MED12L: variants seen among roughly 807,000 people sequenced by gnomAD.
MED12L encodes the protein mediator of RNA polymerase II transcription subunit 12-like protein.
MED12L carries 60 observed loss-of-function variants against 281.3 expected under a neutral mutation model. The observed-to-expected ratio is 0.21, with a 90% CI of 0.17 to 0.26. The LOEUF (loss-of-function observed/expected upper bound fraction) is 0.26, where lower values mean the gene tolerates loss of function less well. Among genes scored for constraint, MED12L ranks in the 10% least tolerant of loss-of-function variants. The pLI is 1.00. For synonymous variants in MED12L, 974 were observed against 987.2 expected (o/e 0.99, Z 0.25); for missense variants, 2,146 against 2,680.9 (o/e 0.80, Z 4.41).
intron 16 of MED12L, among the ~76,000 whole-genome samples, chr3:151,306,065 C>T (rs1746597623): frequency 6.6e-6 from 1 of 152,162 alleles, no homozygotes; most frequent in African/African-American, 2.4e-5. Flanking sequence ...CCGGGTCCTA[C>T]AGTCAGTTGA....
chr3:151,315,537 GTATA>G (rs979729107), intron 16 of MED12L, among the ~76,000 whole-genome samples: 1 of 152,148 alleles, frequency 6.6e-6, no homozygotes, highest in African/African-American at 2.4e-5. Context: ...CTTAACCCAT[GTATA>G]CCTGCAACAC....
In MED12L at chr3:151,338,174, C is replaced by T. The variant is rs533622869; in HGVS notation, c.2251-11885C>T. 101 of 1,613,918 alleles carry T rather than the reference C, an allele frequency of 6.3e-5. No homozygotes were observed. Among genetic ancestry groups the T allele is most frequent in the Non-Finnish European group, 8.1e-5 (95 of 1,180,004 alleles). On this transcript the variant is annotated intron_variant, in intron 16 of 44. Coordinates refer to ENST00000687756, the MANE Select transcript of MED12L (RefSeq NM_001393769.1). ...TTTTCCTGGGGACTTTACCTACACC[C>T]CTCGTTCTTACGTATGACCGGTACA...
intron 16 of MED12L, among the ~76,000 whole-genome samples, chr3:151,267,594 A>C (rs1559960632): frequency 6.6e-6 from 1 of 152,182 alleles, no homozygotes; most frequent in Non-Finnish European, 1.5e-5. Flanking sequence ...ACATTTTTTT[A>C]AAGCCACCTA....
chr3:151,245,133 T>G (rs539102707), intron 16 of MED12L, among the ~76,000 whole-genome samples: 1 of 152,176 alleles, frequency 6.6e-6, no homozygotes, highest in Admixed American at 6.5e-5. Flanking sequence ...ACCAATAGCT[T>G]AGCAACCAAA....
At chr3:151,141,187 G>GTTTTTTTTTTTTTTTTTTT (rs76965310) in intron 5 of MED12L, among the ~76,000 whole-genome samples, 6 of 99,108 alleles carry the variant, frequency 6.1e-5, no homozygotes, top group Admixed American at 1.1e-4. Flanking sequence ...TGTTTTTTTT[G>GTTTTTTTTTTTTTTTTTTT]TTTTTTTTTT....
intron 11 of MED12L, among the ~76,000 whole-genome samples, chr3:151,183,029 C>T (rs933171766): frequency 2.6e-5 from 4 of 152,162 alleles, no homozygotes; most frequent in Non-Finnish European, 5.9e-5. Flanking sequence ...ATGATTTCCA[C>T]TATGTTTAGA....
chr3:151,174,590 A>G (rs1576890136), intron 11 of MED12L, among the ~76,000 whole-genome samples: 1 of 152,240 alleles, frequency 6.6e-6, no homozygotes, highest in Admixed American at 6.5e-5. Context: ...CACAAGACCT[A>G]AAGACTATCA....
chr3:151,274,816 C>T (rs2149578906), intron 16 of MED12L, among the ~76,000 whole-genome samples: 1 of 152,270 alleles, frequency 6.6e-6, no homozygotes, highest in Non-Finnish European at 1.5e-5. Flanking sequence ...AGAATGTAAG[C>T]CACCAGAGGC....
intron 3 of MED12L, among the ~76,000 whole-genome samples, chr3:151,118,851 C>T (rs949012067): frequency 2.0e-5 from 3 of 151,988 alleles, no homozygotes; most frequent in African/African-American, 7.2e-5. Context: ...CCACACCTGG[C>T]TAATTTTTGT....
chr3:151,109,707 A>G (rs1257785096), intron 2 of MED12L, among the ~76,000 whole-genome samples: 2 of 152,322 alleles, frequency 1.3e-5, no homozygotes, highest in African/African-American at 4.8e-5. Flanking sequence ...ATTTTGCCCT[A>G]GATGCTGTTA....
At chr3:151,158,837 G>C in intron 7 of MED12L, 38 bp downstream of exon 7, 1 of 1,307,434 alleles carries the variant, frequency 7.6e-7, no homozygotes. Context: ...TGGTTTTATG[G>C]GCAAGAAATG....
chr3:151,164,572 C>T lies in MED12L; in HGVS notation c.1257+530C>T, dbSNP rs1034253893. Among the ~76,000 whole-genome samples, 5 of 152,196 alleles carry T rather than the reference C, an allele frequency of 3.3e-5. No individual in the cohort carries two copies. The East Asian group carries it at 9.7e-4, about 29-fold the overall frequency. ...CACGTATGTTTATTGCAGCACTATT[C>T]GCAATAGCAAAGACTTGGAACCAAC... On this transcript the variant is annotated intron_variant, in intron 9 of 44. Coordinates refer to ENST00000687756, the MANE Select transcript of MED12L (RefSeq NM_001393769.1).
At chr3:151,304,829 G>A (rs1217278957) in intron 16 of MED12L, among the ~76,000 whole-genome samples, 4 of 152,104 alleles carry the variant, frequency 2.6e-5, no homozygotes, top group Middle Eastern at 3.2e-3. Context: ...GTGTACTTGC[G>A]CAGGGTGGAG....
chr3:151,224,796 C>T (rs1354470959), intron 16 of MED12L, among the ~76,000 whole-genome samples: 1 of 152,140 alleles, frequency 6.6e-6, no homozygotes, highest in Admixed American at 6.5e-5. Flanking sequence ...TTTCCTGACC[C>T]TCTTTGCAGC....
chr3:151,166,756 A>G (rs1419153951), intron 11 of MED12L, among the ~76,000 whole-genome samples: 1 of 151,616 alleles, frequency 6.6e-6, no homozygotes, highest in African/African-American at 2.4e-5. Context: ...GCTCACTGCA[A>G]CCTCTGCCTC....
intron 11 of MED12L, among the ~76,000 whole-genome samples, chr3:151,176,719 G>C (rs1014022067): frequency 6.6e-6 from 1 of 152,044 alleles, no homozygotes; most frequent in Non-Finnish European, 1.5e-5. Flanking sequence ...CTTCTCATTG[G>C]TTAACACTTT....
At position 151,165,926 on chromosome 3, in the gene MED12L, A is replaced by G. The variant is rs1193181396; in HGVS notation, c.1438A>G (p.Met480Val). ...CFDRTDSSNS[M>V]ETLYHKIFWA... ...TGACCGAACTGATTCCAGCAATTCCATGGAGACACTTTATCATAAGATTTT... is the reference window on the plus strand; with the variant it reads ...TGACCGAACTGATTCCAGCAATTCCGTGGAGACACTTTATCATAAGATTTT... Residue 480 changes from methionine (M) to valine (V), a missense_variant, in exon 11 of 45, where the codon ATG becomes GTG. Met to Val is a conservative substitution (Grantham distance 21). This residue lies in a region of MED12L where 722 missense variants were observed against 861.2 expected (regional missense o/e 0.84). Transcript: ENST00000687756. 4 of 1,614,046 alleles carry G rather than the reference A, an allele frequency of 2.5e-6. No homozygotes were observed. The highest frequency in any genetic ancestry group is 3.3e-5 in the Admixed American group (2 of 60,022).
At chr3:151,178,883 T>C (rs1442828787) in intron 11 of MED12L, among the ~76,000 whole-genome samples, 1 of 152,210 alleles carries the variant, frequency 6.6e-6, no homozygotes, top group East Asian at 1.9e-4. Flanking sequence ...CATAACTTAA[T>C]CTGCAAGTTA....
At chr3:151,200,147 A>G (rs1725329989) in intron 16 of MED12L, among the ~76,000 whole-genome samples, 1 of 151,742 alleles carries the variant, frequency 6.6e-6, no homozygotes, top group Admixed American at 6.6e-5. Context: ...TTAAAAGCCC[A>G]GAAGCATAAG....
Sources: allele counts gnomAD v4.1 joint callset (sites outside exome capture counted in the v4.1 genomes callset), GRCh38; gene constraint gnomAD v4.1.1; regional missense constraint gnomAD v4.1.1; transcripts MANE v1.5; gene names NCBI Gene and HGNC (gene_info 2026-07-23, HGNC 2026-07-21).